Variants in RBFOX1 observed in about 807,000 individuals in gnomAD.
RBFOX1 encodes the protein RNA binding fox-1 homolog 1.
Under a neutral mutation model 57.7 loss-of-function variants are expected in RBFOX1, and 8 were observed. The observed-to-expected ratio is 0.14, with a 90% CI of 0.08 to 0.25. The LOEUF is 0.25. RBFOX1 is among the 10% of genes least tolerant of loss of function. The pLI is 1.00. For synonymous variants in RBFOX1, 326 were observed against 222.4 expected, an observed-to-expected ratio of 1.47 and a Z score of -4.15; for missense variants, 611 against 548.5, an observed-to-expected ratio of 1.11 and a Z score of -1.14.
chr16:5,923,839 C>T (rs918577129), intron 4 of RBFOX1, among the ~76,000 whole-genome samples: 1 of 151,966 alleles, frequency 6.6e-6, no homozygotes, highest in Non-Finnish European at 1.5e-5. Flanking sequence ...CCGTACCTAG[C>T]CTCCAGAGCC....
At chr16:5,803,839 T>C (rs1464138525) in intron 3 of RBFOX1, among the ~76,000 whole-genome samples, 1 of 152,190 alleles carries the variant, frequency 6.6e-6, no homozygotes, top group African/African-American at 2.4e-5. Flanking sequence ...GCTTCTTTCC[T>C]CTCCTGGTCT....
At chr16:6,324,858 A>G (rs2082196582) in intron 2 of RBFOX1, among the ~76,000 whole-genome samples, 2 of 152,326 alleles carry the variant, frequency 1.3e-5, no homozygotes, top group East Asian at 1.9e-4. Context: ...ACAGAGATGG[A>G]TAAGTTACGA....
chr16:6,232,551 T>C (rs2097471803), intron 1 of RBFOX1, among the ~76,000 whole-genome samples: 1 of 152,212 alleles, frequency 6.6e-6, no homozygotes. Context: ...AATAGTCACT[T>C]TAAAAGCATC....
At chr16:6,962,309 C>G (rs572397061) in intron 3 of RBFOX1, among the ~76,000 whole-genome samples, 77 of 152,266 alleles carry the variant, frequency 5.1e-4, no homozygotes, top group Middle Eastern at 3.4e-3. Flanking sequence ...AGGACAATCT[C>G]ATCTTGAGAT....
chr16:6,491,535 T>A (rs1202285643), intron 2 of RBFOX1, among the ~76,000 whole-genome samples: 1 of 152,214 alleles, frequency 6.6e-6, no homozygotes, highest in Non-Finnish European at 1.5e-5. Context: ...TTTGTTGTAA[T>A]GTACTAGCTA....
At chr16:5,783,188 T>C (rs2054382873) in intron 3 of RBFOX1, among the ~76,000 whole-genome samples, 2 of 152,212 alleles carry the variant, frequency 1.3e-5, no homozygotes. Context: ...TTACATATAA[T>C]TTACATAAAA....
At chr16:7,364,998 A>ATCTG (rs1596516421) in intron 4 of RBFOX1, among the ~76,000 whole-genome samples, 2 of 137,052 alleles carry the variant, frequency 1.5e-5, no homozygotes, top group African/African-American at 2.6e-5. Flanking sequence ...CTTTTGGGGA[A>ATCTG]TCTATCTGTC....
Position 7,410,078 on chromosome 16 carries a change from T to TGAC in RBFOX1, c.28-108067_28-108066insCGA, listed in dbSNP as rs200116538. On this transcript the variant is annotated intron_variant, in intron 4 of 15. Transcript: ENST00000550418. ...TTGGAGTCTTCAGTGATGATGATGA[T>TGAC]GATGATAGTAGTAGATTGAACATAG... 2.0e-3 allele frequency among the ~76,000 whole-genome samples: 302 copies of TGAC among 152,110 alleles called. 9 individuals are homozygous for TGAC. The East Asian group carries it at 0.048, about 24-fold the overall frequency.
At chr16:6,964,283 T>A (rs55671384) in intron 3 of RBFOX1, among the ~76,000 whole-genome samples, 18,774 of 152,122 alleles carry the variant, frequency 0.12, 1,252 homozygotes, top group South Asian at 0.24. Flanking sequence ...CCTCCCAAAG[T>A]GGTGGGATTA....
At chr16:5,574,393 T>C (rs556196648) in intron 2 of RBFOX1, among the ~76,000 whole-genome samples, 1 of 151,242 alleles carries the variant, frequency 6.6e-6, no homozygotes, top group East Asian at 2.0e-4. Context: ...CTGCTTTTGT[T>C]TTATAAATTA....
chr16:7,279,383 G>C (rs2095499835), intron 4 of RBFOX1, among the ~76,000 whole-genome samples: 1 of 152,122 alleles, frequency 6.6e-6, no homozygotes, highest in Admixed American at 6.5e-5. Context: ...TTGGGGCTTT[G>C]CTCTTGAATT....
At position 6,351,323 on chromosome 16, in the gene RBFOX1, C is replaced by CGTGTGT. The variant is rs71406370; in HGVS notation, c.-64+34291_-64+34296dup. 3.1e-3 allele frequency among the ~76,000 whole-genome samples: 347 copies of CGTGTGT among 112,798 alleles called. 1 individual carries two copies. The highest frequency in any genetic ancestry group is 4.6e-3 in the Non-Finnish European group (258 of 56,414). 74.0% of individuals were successfully genotyped at this position (112,798 alleles called of 152,430 possible). A position where few individuals can be genotyped will look rare whatever the true frequency, so the allele number is the denominator to read the frequency against. On this transcript the variant is annotated intron_variant, in intron 2 of 15. Transcript: ENST00000550418. ...GTATACATAAAATATATATATATAA[C>CGTGTGT]GTGTGTGTGTGTGTGTGTGTGTGTG... is the stretch of plus-strand genomic sequence containing the variant.
At chr16:5,599,007 T>C (rs1414830263) in exon 3 of RBFOX1, 1 of 1,440,666 alleles carries the variant, frequency 6.9e-7, no homozygotes, top group South Asian at 1.2e-5. Flanking sequence ...TGAAACTACT[T>C]TTGCATCCTT....
intron 3 of RBFOX1, among the ~76,000 whole-genome samples, chr16:6,713,129 C>G (rs2064041123): frequency 1.3e-5 from 2 of 152,052 alleles, no homozygotes; most frequent in African/African-American, 4.8e-5. Flanking sequence ...GTATTTCTTA[C>G]AGCAGTGTGT....
chr16:6,070,398 T>C (rs2095821678), intron 1 of RBFOX1, among the ~76,000 whole-genome samples: 1 of 152,244 alleles, frequency 6.6e-6, no homozygotes, highest in African/African-American at 2.4e-5. Flanking sequence ...TATCTGCCTT[T>C]TGCAAACACA....
intron 1 of RBFOX1, among the ~76,000 whole-genome samples, chr16:5,456,253 C>T (rs1280911069): frequency 4.6e-5 from 7 of 152,186 alleles, no homozygotes; most frequent in South Asian, 4.2e-4. Flanking sequence ...ATGATATGAA[C>T]GTGCTATACT....
intron 15 of RBFOX1, 111 bp downstream of exon 15, chr16:7,709,242 C>A: frequency 8.8e-7 from 1 of 1,132,804 alleles, no homozygotes. Context: ...TTGAATTTGT[C>A]TCTTGTGCTA....
chr16:7,341,764 T>TTCCC (rs1195469045), intron 4 of RBFOX1, among the ~76,000 whole-genome samples: 1,136 of 46,752 alleles, frequency 0.024, 27 homozygotes, highest in African/African-American at 0.062. Flanking sequence ...CCTTCCCTCC[T>TTCCC]TCCCTCCCTC....
chr16:6,114,178 C>A (rs1223763696), intron 1 of RBFOX1, among the ~76,000 whole-genome samples: 2 of 152,044 alleles, frequency 1.3e-5, no homozygotes, highest in Non-Finnish European at 2.9e-5. Context: ...CAATGAACTT[C>A]TTCTCTTGTT....
Sources: allele counts gnomAD v4.1 joint callset (sites outside exome capture counted in the v4.1 genomes callset), GRCh38; gene constraint gnomAD v4.1.1; transcripts MANE v1.5; gene names NCBI Gene and HGNC (gene_info 2026-07-23, HGNC 2026-07-21).